CACNA1E: variants seen among roughly 807,000 people sequenced by gnomAD.
CACNA1E encodes voltage-dependent R-type calcium channel subunit alpha-1E.
A neutral mutation model predicts 259.2 loss-of-function variants in CACNA1E; 40 were observed. That is an observed-to-expected ratio of 0.15 (90% CI 0.12 to 0.20). The LOEUF (loss-of-function observed/expected upper bound fraction) is 0.20. Ranked by LOEUF, CACNA1E falls within the 10% of genes least tolerant of loss-of-function variation. CACNA1E has a pLI of 1.00. For missense variants in CACNA1E, 1,874 were observed against 3,040.1 expected (o/e 0.62, Z 9.02); for synonymous variants, 1,104 against 1,138.5 (o/e 0.97, Z 0.61).
chr1:181,469,056 A>AT (rs999016983), intron 2 of CACNA1E, among the ~76,000 whole-genome samples: 20 of 151,004 alleles, frequency 1.3e-4, no homozygotes, highest in Admixed American at 4.0e-4. Context: ...ATTTATTAAA[A>AT]TTTTTTTTTT....
intron 3 of CACNA1E, among the ~76,000 whole-genome samples, chr1:181,544,065 G>A (rs1668796440): frequency 6.6e-6 from 1 of 152,162 alleles, no homozygotes; most frequent in Admixed American, 6.5e-5. Flanking sequence ...TATCCCAAGT[G>A]TACATCAGCT....
intron 7 of CACNA1E, among the ~76,000 whole-genome samples, chr1:181,700,370 G>A (rs1249818905): frequency 3.3e-5 from 5 of 152,156 alleles, no homozygotes; most frequent in Non-Finnish European, 7.4e-5. Flanking sequence ...ATTCTCTCCT[G>A]TTGTTCCCAA....
chr1:181,665,955 A>G (rs1048731351), intron 7 of CACNA1E, among the ~76,000 whole-genome samples: 1 of 151,934 alleles, frequency 6.6e-6, no homozygotes, highest in Non-Finnish European at 1.5e-5. Flanking sequence ...TATTCTTTCT[A>G]TATTCTCTGG....
chr1:181,762,521 C>CTTTTT, intron 32 of CACNA1E, 53 bp from the exon 33 acceptor site: 2 of 944,508 alleles, frequency 2.1e-6, no homozygotes, highest in Non-Finnish European at 3.2e-6. Context: ...GTCTTTTCTC[C>CTTTTT]TTTTTTTTTT....
chr1:181,531,337 T>C (rs1667766125), intron 3 of CACNA1E, among the ~76,000 whole-genome samples: 1 of 152,200 alleles, frequency 6.6e-6, no homozygotes, highest in Non-Finnish European at 1.5e-5. Context: ...ACTTAGCACT[T>C]ATCTGCATTT....
At chr1:181,356,461 A>T (rs10910925) in intron 1 of CACNA1E, among the ~76,000 whole-genome samples, 19,924 of 152,086 alleles carry the variant, frequency 0.13, 1,795 homozygotes, top group East Asian at 0.35. Flanking sequence ...TTAATATAAG[A>T]TTTTATGCCT....
intron 25 of CACNA1E, among the ~76,000 whole-genome samples, chr1:181,743,513 A>G (rs1038365482): frequency 6.6e-6 from 1 of 152,230 alleles, no homozygotes; most frequent in Non-Finnish European, 1.5e-5. Context: ...AACCAAAGTC[A>G]GCTGCCTTGT....
chr1:181,738,498 C>A, intron 24 of CACNA1E, 72 bp downstream of exon 24: 2 of 1,244,774 alleles, frequency 1.6e-6, no homozygotes, highest in Non-Finnish European at 2.4e-6. Flanking sequence ...AGGCTAGAGC[C>A]CTTCCTCAGT....
At chr1:181,647,038 G>A (rs1658338863) in intron 6 of CACNA1E, among the ~76,000 whole-genome samples, 1 of 152,080 alleles carries the variant, frequency 6.6e-6, no homozygotes, top group Admixed American at 6.5e-5. Flanking sequence ...AGAGCAGCCA[G>A]TGTGCCAGTC....
At chr1:181,334,226 G>T (rs1008794385) in intron 1 of CACNA1E, among the ~76,000 whole-genome samples, 1 of 152,152 alleles carries the variant, frequency 6.6e-6, no homozygotes. Context: ...CCCTCTCCTC[G>T]TGTTCATTGC....
intron 38 of CACNA1E, among the ~76,000 whole-genome samples, chr1:181,781,224 G>C (rs1265797398): frequency 6.6e-6 from 1 of 152,028 alleles, no homozygotes; most frequent in Non-Finnish European, 1.5e-5. Flanking sequence ...TTGATTAACA[G>C]GTTTCCTATT....
chr1:181,645,435 T>A (rs953326298), intron 6 of CACNA1E, among the ~76,000 whole-genome samples: 1 of 152,142 alleles, frequency 6.6e-6, no homozygotes, highest in African/African-American at 2.4e-5. Flanking sequence ...CACCCTCTTT[T>A]TTCTTCTTAT....
intron 46 of CACNA1E, among the ~76,000 whole-genome samples, chr1:181,796,138 C>T (rs1238585053): frequency 6.6e-6 from 1 of 152,128 alleles, no homozygotes; most frequent in Non-Finnish European, 1.5e-5. Context: ...CTAGTGGCAC[C>T]TTGCAAACTT....
chr1:181,727,163 G>A (rs533947055), intron 18 of CACNA1E, among the ~76,000 whole-genome samples: 2 of 152,290 alleles, frequency 1.3e-5, no homozygotes, highest in Admixed American at 1.3e-4. Context: ...AAGGTTGTTC[G>A]CATTTAGATG....
At position 181,698,745 on chromosome 1, in the gene CACNA1E, A is replaced by C. The variant is rs568550565; in HGVS notation, c.1056-12209A>C. ...CCAGCTTTTGTTTCATTTATCTCTA[A>C]TAGATAAGGATATTTTCAATAAGGT... On this transcript the variant is annotated intron_variant, in intron 7 of 47. Transcript: ENST00000367573. Among the ~76,000 whole-genome samples the C allele has an allele frequency of 1.4e-3, 212 of 152,200 alleles. 2 individuals carry two copies. The highest frequency in any genetic ancestry group is 5.0e-3 in the African/African-American group (209 of 41,504).
At chr1:181,444,206 G>A (rs964232559) in intron 2 of CACNA1E, among the ~76,000 whole-genome samples, 5 of 152,152 alleles carry the variant, frequency 3.3e-5, no homozygotes, top group Non-Finnish European at 7.3e-5. Context: ...TAGTTGAGCT[G>A]CCTTCCTTTG....
intron 1 of CACNA1E, among the ~76,000 whole-genome samples, chr1:181,320,335 G>T (rs2102555778): frequency 6.6e-6 from 1 of 152,274 alleles, no homozygotes; most frequent in South Asian, 2.1e-4. Context: ...TTGTGTGAGG[G>T]AGTGATGAGG....
chr1:181,520,905 G>A (rs1337483393), intron 3 of CACNA1E, among the ~76,000 whole-genome samples: 4 of 152,052 alleles, frequency 2.6e-5, no homozygotes, highest in African/African-American at 9.7e-5. Flanking sequence ...GGCCAGAGGG[G>A]TCAGCCCCTG....
intron 37 of CACNA1E, among the ~76,000 whole-genome samples, chr1:181,774,182 C>T (rs780382098): frequency 1.3e-5 from 2 of 152,254 alleles, no homozygotes; most frequent in Non-Finnish European, 2.9e-5. Context: ...GCACACGCTA[C>T]ACTCTTAATG....
Sources: allele counts gnomAD v4.1 joint callset (sites outside exome capture counted in the v4.1 genomes callset), GRCh38; gene constraint gnomAD v4.1.1; transcripts MANE v1.5; gene names NCBI Gene and HGNC (gene_info 2026-07-23, HGNC 2026-07-21).